The following SORCS2 variants were observed in gnomAD, a reference collection of about 807,000 sequenced individuals.
SORCS2 encodes VPS10 domain-containing receptor SorCS2.
In SORCS2, 100 loss-of-function variants were observed where a neutral mutation model predicts 141.6. The observed-to-expected ratio is 0.71, with a 90% CI of 0.60 to 0.83. SORCS2 has a LOEUF of 0.83. Ranked by LOEUF, SORCS2 falls within the 40% of genes least tolerant of loss-of-function variation. The probability of loss-of-function intolerance (pLI) is 0.00; values close to 1 mark genes in which losing one functional copy is unlikely to be tolerated. For synonymous variants in SORCS2, 789 were observed against 676.9 expected (o/e 1.17, Z -2.57); for missense variants, 1,646 against 1,560.2 (o/e 1.05, Z -0.93).
chr4:7,452,259 G>T (rs1728509409), intron 2 of SORCS2, among the ~76,000 whole-genome samples: 1 of 152,026 alleles, frequency 6.6e-6, no homozygotes, highest in Non-Finnish European at 1.5e-5. Flanking sequence ...GCCTGCCTCA[G>T]CCTCCTGAGT....
At chr4:7,700,866 C>G (rs911649675) in intron 12 of SORCS2, among the ~76,000 whole-genome samples, 1 of 152,348 alleles carries the variant, frequency 6.6e-6, no homozygotes, top group Non-Finnish European at 1.5e-5. Context: ...TGTCCACAGA[C>G]AGAGTCCCCG....
intron 2 of SORCS2, among the ~76,000 whole-genome samples, chr4:7,514,978 C>CA (rs1437549308): frequency 6.6e-6 from 1 of 152,184 alleles, no homozygotes; most frequent in Non-Finnish European, 1.5e-5. Flanking sequence ...GGTCAGGGGC[C>CA]AGCCAGCCTT....
chr4:7,458,673 G>A (rs888479957), intron 2 of SORCS2, among the ~76,000 whole-genome samples: 1 of 152,160 alleles, frequency 6.6e-6, no homozygotes, highest in Non-Finnish European at 1.5e-5. Flanking sequence ...TTTCTCTAGG[G>A]CCTAGGCTGG....
At chr4:7,584,949 G>A (rs138406352) in intron 3 of SORCS2, among the ~76,000 whole-genome samples, 1 of 152,256 alleles carries the variant, frequency 6.6e-6, no homozygotes, top group Non-Finnish European at 1.5e-5. Flanking sequence ...CACAAAGGGG[G>A]TTGCAGCGGG....
At chr4:7,339,659 A>G (rs987761219) in intron 1 of SORCS2, among the ~76,000 whole-genome samples, 3 of 152,042 alleles carry the variant, frequency 2.0e-5, no homozygotes, top group African/African-American at 4.8e-5. Context: ...ACCTCATTTT[A>G]CCTTGATCCC....
chr4:7,308,765 C>A (rs1486739968), intron 1 of SORCS2, among the ~76,000 whole-genome samples: 1 of 151,828 alleles, frequency 6.6e-6, no homozygotes, highest in African/African-American at 2.4e-5. Context: ...CGTCTCGCTC[C>A]AGCACCCTGT....
At chr4:7,235,054 G>A (rs969908104) in intron 1 of SORCS2, among the ~76,000 whole-genome samples, 3 of 152,246 alleles carry the variant, frequency 2.0e-5, no homozygotes, top group African/African-American at 7.2e-5. Flanking sequence ...ATCTGGAGCT[G>A]GGCTCTGCGT....
intron 1 of SORCS2, among the ~76,000 whole-genome samples, chr4:7,292,788 G>T (rs769707334): frequency 1.3e-5 from 2 of 152,330 alleles, no homozygotes; most frequent in Admixed American, 1.3e-4. Flanking sequence ...CCTTGATGAA[G>T]ATGCTACGAG....
At chr4:7,434,089 GTCAAACGGGCAGGTGCC>G in intron 2 of SORCS2, 1 of 1,611,850 alleles carries the variant, frequency 6.2e-7, no homozygotes, top group South Asian at 1.1e-5. Flanking sequence ...CACTACTTGA[GTCAAACGGGCAGGTGCC>G]CCTAGCTCCT....
At chr4:7,647,166 C>A (rs184079250) in intron 4 of SORCS2, among the ~76,000 whole-genome samples, 1 of 152,216 alleles carries the variant, frequency 6.6e-6, no homozygotes, top group African/African-American at 2.4e-5. Flanking sequence ...AGCAAAATGA[C>A]CCCCATTCCA....
intron 1 of SORCS2, among the ~76,000 whole-genome samples, chr4:7,389,501 C>T (rs558877554): frequency 2.4e-4 from 36 of 152,286 alleles, no homozygotes; most frequent in Non-Finnish European, 4.1e-4. Flanking sequence ...AAAGACCTCA[C>T]CAGGAGTGGG....
At chr4:7,257,215 C>T (rs1050899015) in intron 1 of SORCS2, among the ~76,000 whole-genome samples, 4 of 152,106 alleles carry the variant, frequency 2.6e-5, no homozygotes. Context: ...CCTCTCCAGG[C>T]CTCTGCAAAC....
intron 4 of SORCS2, among the ~76,000 whole-genome samples, chr4:7,641,392 T>C (rs1478882762): frequency 6.6e-6 from 1 of 152,178 alleles, no homozygotes; most frequent in Non-Finnish European, 1.5e-5. Context: ...TCAGATCTCA[T>C]GAGAACTCAC....
chr4:7,601,946 G>T (rs1717720488), intron 3 of SORCS2, among the ~76,000 whole-genome samples: 1 of 152,160 alleles, frequency 6.6e-6, no homozygotes, highest in Non-Finnish European at 1.5e-5. Flanking sequence ...ATCTAACCCT[G>T]AGTGGACACA....
rs765815199 is a variant in SORCS2, at chr4:7,723,710, C to G, written c.2438C>G (p.Thr813Ser). The change falls in exon 19 of 27, where the codon ACT becomes AGT. Residue 813 changes from threonine to serine, a missense_variant. Coordinates refer to ENST00000507866, the MANE Select transcript of SORCS2 (RefSeq NM_020777.3). ...GTTTCTCTGCAGGGTGATGTCCTGA[C>G]TACCAAGTACCAGGTAGACCTTGGG... ...VVRQEQGDVL[T>S]TKYQVDLGDG... 1.9e-6 allele frequency: 3 copies of G among 1,613,992 alleles called. No homozygotes were observed. Among genetic ancestry groups the G allele is most frequent in the Admixed American group, 1.7e-5 (1 of 60,022 alleles).
In SORCS2 at chr4:7,286,415, G is replaced by T. The variant is rs1402710970; in HGVS notation, c.480+93289G>T. Among the ~76,000 whole-genome samples the T allele has an allele frequency of 1.3e-5, 2 of 152,214 alleles. No homozygotes were observed. Among genetic ancestry groups the T allele is most frequent in the Non-Finnish European group, 2.9e-5 (2 of 68,036 alleles). ...GAACGGAGCAGGGTGTGGGCGAAGG[G>T]AGACGTCCTGGAAGGCAGCCACGAG... On this transcript the variant is annotated intron_variant, in intron 1 of 26. Coordinates refer to ENST00000507866, the MANE Select transcript of SORCS2 (RefSeq NM_020777.3). This position sits in a 1 kb window ranked among gnomAD's most constrained non-coding sequence, Gnocchi z 4.1.
At chr4:7,726,950 G>T in intron 21 of SORCS2, 47 bp downstream of exon 21, 2 of 1,584,610 alleles carry the variant, frequency 1.3e-6, no homozygotes, top group Non-Finnish European at 1.7e-6. Context: ...CATCTCTGCT[G>T]CAGTCCAGGA....
chr4:7,427,869 C>G (rs1270154683), intron 2 of SORCS2, among the ~76,000 whole-genome samples: 2 of 151,948 alleles, frequency 1.3e-5, no homozygotes, highest in Non-Finnish European at 1.5e-5. Context: ...GCACCAGGCC[C>G]GACTGCAACG....
At chr4:7,594,471 G>A (rs976220892) in intron 3 of SORCS2, among the ~76,000 whole-genome samples, 4 of 152,208 alleles carry the variant, frequency 2.6e-5, no homozygotes, top group Non-Finnish European at 5.9e-5. Context: ...CCCCGGGTGG[G>A]CCTGCTCCCC....
Sources: gnomAD v4.1 joint callset for allele counts (sites outside exome capture counted in the v4.1 genomes callset) on GRCh38, gnomAD v4.1.1 for gene constraint, Gnocchi (gnomAD v3.1) non-coding constraint, MANE v1.5 for transcripts, NCBI Gene and HGNC (gene_info 2026-07-23, HGNC 2026-07-21) for gene names.